KDM4C: variants seen among roughly 807,000 people sequenced by gnomAD.
KDM4C encodes lysine demethylase 4C.
A neutral mutation model predicts 129.3 loss-of-function variants in KDM4C; 81 were observed. The observed-to-expected ratio is 0.63, with a 90% CI of 0.52 to 0.75. The LOEUF (loss-of-function observed/expected upper bound fraction) is 0.75, where lower values mean the gene tolerates loss of function less well. Among genes scored for constraint, KDM4C ranks in the 30% least tolerant of loss-of-function variants. The pLI is 0.00. For missense variants in KDM4C, 1,457 were observed against 1,304.0 expected (o/e 1.12, Z -1.81); for synonymous variants, 573 against 456.1 (o/e 1.26, Z -3.26).
intron 8 of KDM4C, among the ~76,000 whole-genome samples, chr9:6,954,776 CTGAA>C (rs1402293738): frequency 6.6e-6 from 1 of 152,186 alleles, no homozygotes; most frequent in Non-Finnish European, 1.5e-5. Flanking sequence ...TTGAGAATCT[CTGAA>C]TGGGCAGACT....
At position 6,984,262 on chromosome 9, in the gene KDM4C, C is replaced by G. The variant is rs1817291559; in HGVS notation, c.1212C>G (p.Asp404Glu). The G allele has an allele frequency of 1.2e-6, 2 of 1,613,902 alleles. No homozygotes were observed. The highest frequency in any genetic ancestry group is 2.7e-5 in the African/African-American group (2 of 74,920). The change falls in exon 10 of 22, where the codon GAC (aspartate) becomes GAG (glutamate). Residue 404 changes from aspartate to glutamate, a missense_variant. Asp to Glu is a conservative substitution (Grantham distance 45). Coordinates refer to ENST00000381309, the MANE Select transcript of KDM4C (RefSeq NM_015061.6). ...ATGGGGCAGAGGTCCCTAACCCCGA[C>G]TCAGTCACAGATGACCTCAAGGTCA... ...EVDGAEVPNP[D>E]SVTDDLKVSE...
intron 19 of KDM4C, among the ~76,000 whole-genome samples, chr9:7,149,599 C>T (rs536677648): frequency 1.8e-3 from 276 of 152,350 alleles, no homozygotes; most frequent in African/African-American, 6.1e-3. Flanking sequence ...GACAGGCCGC[C>T]GCCACCAGTA....
intron 1 of KDM4C, among the ~76,000 whole-genome samples, chr9:6,747,420 C>T (rs538941207): frequency 5.3e-5 from 8 of 151,246 alleles, no homozygotes; most frequent in Admixed American, 1.3e-4. Context: ...TGGTGGTGGG[C>T]GCCTGTAGTC....
intron 17 of KDM4C, among the ~76,000 whole-genome samples, chr9:7,054,764 T>C (rs1397951017): frequency 6.6e-6 from 1 of 152,230 alleles, no homozygotes; most frequent in African/African-American, 2.4e-5. Flanking sequence ...GTGGTATTTT[T>C]GTAAATAAGC....
intron 1 of KDM4C, chr9:6,748,931 G>A (rs1478934468): frequency 1.1e-6 from 1 of 929,030 alleles, no homozygotes; most frequent in African/African-American, 1.6e-5. Context: ...TGAGGTTGAT[G>A]GGCTGCACCA....
chr9:7,037,296 T>C (rs1477607260), intron 15 of KDM4C, among the ~76,000 whole-genome samples: 1 of 152,320 alleles, frequency 6.6e-6, no homozygotes, highest in African/African-American at 2.4e-5. Context: ...CTTATGGATA[T>C]GCTACTAAAA....
intron 19 of KDM4C, among the ~76,000 whole-genome samples, chr9:7,135,677 T>G (rs1322220708): frequency 6.6e-6 from 1 of 152,162 alleles, no homozygotes; most frequent in Non-Finnish European, 1.5e-5. Flanking sequence ...AGGAGTGACA[T>G]GGATGTTCTG....
At chr9:7,019,038 G>A (rs1456834349) in intron 15 of KDM4C, among the ~76,000 whole-genome samples, 10 of 151,992 alleles carry the variant, frequency 6.6e-5, no homozygotes, top group African/African-American at 1.9e-4. Flanking sequence ...TTTTTTCAGC[G>A]TATCCATTTG....
chr9:6,857,224 G>T, intron 5 of KDM4C, among the ~76,000 whole-genome samples: 1 of 152,136 alleles, frequency 6.6e-6, no homozygotes, highest in East Asian at 1.9e-4. Context: ...CTCAAGCCCA[G>T]GGGTTCGAAA....
chr9:7,161,386 A>T (rs192463648), intron 19 of KDM4C, among the ~76,000 whole-genome samples: 2 of 152,238 alleles, frequency 1.3e-5, no homozygotes, highest in African/African-American at 2.4e-5. Context: ...TCAGTTGGAA[A>T]TGCAGAGATC....
At chr9:7,068,916 C>T (rs1832820962) in intron 17 of KDM4C, among the ~76,000 whole-genome samples, 1 of 151,864 alleles carries the variant, frequency 6.6e-6, no homozygotes, top group Admixed American at 6.6e-5. Flanking sequence ...AGACTGGTCT[C>T]GAACTCCTGA....
intron 1 of KDM4C, among the ~76,000 whole-genome samples, chr9:6,789,395 A>G (rs959418086): frequency 1.3e-5 from 2 of 151,708 alleles, no homozygotes; most frequent in African/African-American, 4.8e-5. Flanking sequence ...TAATTTTTGT[A>G]TTTTTAGTAG....
At chr9:7,128,276 T>TA (rs1285060000) in intron 19 of KDM4C, 40 bp downstream of exon 19, 6 of 1,444,982 alleles carry the variant, frequency 4.2e-6, no homozygotes, top group South Asian at 1.6e-5. Flanking sequence ...CCAGAGTAAT[T>TA]TAAAAAAAAA....
chr9:6,965,540 G>T (rs1280219289), intron 8 of KDM4C, among the ~76,000 whole-genome samples: 1 of 152,180 alleles, frequency 6.6e-6, no homozygotes, highest in African/African-American at 2.4e-5. Flanking sequence ...TGGAAGCTGA[G>T]AAACCTCAAG....
At chr9:6,745,498 G>A (rs1282130207) in intron 1 of KDM4C, among the ~76,000 whole-genome samples, 1 of 150,142 alleles carries the variant, frequency 6.7e-6, no homozygotes, top group African/African-American at 2.5e-5. Flanking sequence ...TTGGGAGGCT[G>A]AGGCTGGAGG....
rs779265150 is a variant in KDM4C, at chr9:6,810,726, C to G, written c.321-3905C>G. On this transcript the variant is annotated intron_variant, in intron 3 of 21. Transcript: ENST00000381309. ...GTCTCTACAAAAAATAAAAAATTAGCCATGCATGGTGGCATGTGTCTGTAG... is the reference window on the plus strand; with the variant it reads ...GTCTCTACAAAAAATAAAAAATTAGGCATGCATGGTGGCATGTGTCTGTAG... 7.6e-4 allele frequency among the ~76,000 whole-genome samples: 116 copies of G among 151,968 alleles called. 1 individual carries two copies. In the Middle Eastern group the frequency reaches 0.017, roughly 22 times the overall value.
chr9:7,098,080 C>T (rs541766051), intron 17 of KDM4C, among the ~76,000 whole-genome samples: 13 of 152,232 alleles, frequency 8.5e-5, no homozygotes, highest in Non-Finnish European at 1.9e-4. Flanking sequence ...GTACTTTTCA[C>T]AAATCATTTG....
intron 12 of KDM4C, among the ~76,000 whole-genome samples, chr9:6,995,352 GAC>G (rs143193271): frequency 6.6e-6 from 1 of 150,912 alleles, no homozygotes. Context: ...CACAGGCACA[GAC>G]ACACACACAC....
At chr9:6,815,259 G>T (rs1831873444) in intron 4 of KDM4C, 1 of 151,934 alleles carries the variant, frequency 6.6e-6, no homozygotes, top group South Asian at 2.1e-4. Context: ...TAATTCATTG[G>T]TTATATTCTA....
Sources: gnomAD v4.1 joint callset for allele counts (sites outside exome capture counted in the v4.1 genomes callset) on GRCh38, gnomAD v4.1.1 for gene constraint, MANE v1.5 for transcripts, NCBI Gene and HGNC (gene_info 2026-07-23, HGNC 2026-07-21) for gene names.